Variants in ZNF18 observed in about 807,000 individuals in gnomAD.
ZNF18 encodes the protein heart development-specific gene 1 protein.
ZNF18 carries 42 observed loss-of-function variants against 58.1 expected under a neutral mutation model. The observed-to-expected ratio is 0.72, with a 90% CI of 0.56 to 0.93. The LOEUF is 0.93. Ranked by LOEUF, ZNF18 falls within the 40% of genes least tolerant of loss-of-function variation. The probability of loss-of-function intolerance (pLI) is 0.00; values close to 1 mark genes in which losing one functional copy is unlikely to be tolerated. For synonymous variants in ZNF18, 231 were observed against 239.8 expected (o/e 0.96, Z 0.34); for missense variants, 540 against 644.2 (o/e 0.84, Z 1.75).
the ZNF18 span, chr17:12,020,904 G>GAGCGGCGGCGGCGGCTCCGGGGGCGGC: frequency 1.8e-6 from 2 of 1,139,316 alleles, no homozygotes; most frequent in Non-Finnish European, 1.1e-6. Context: ...CTCCGAGCCC[G>GAGCGGCGGCGGCGGCTCCGGGGGCGGC]AGCGGCGGCG....
chr17:11,991,066 G>A lies in ZNF18; in HGVS notation c.485C>T (p.Pro162Leu), dbSNP rs767281105. ...GEVEPHLEVV[P>L]QELGLENSSS... ...TGAATTCTCAAGTCCCAACTCCTGA[G>A]GCACCACTTCAAGATGGGGCTCCAC... The change falls in exon 3 of 7, where the codon CCT (proline) becomes CTT (leucine). Residue 162 changes from proline (P) to leucine (L), a missense_variant. Pro to Leu is a moderately conservative substitution (Grantham distance 98). Transcript: ENST00000580306. The A allele has an allele frequency of 6.2e-7, 1 of 1,614,104 alleles. No individual in the cohort carries two copies. The highest frequency in any genetic ancestry group is 8.5e-7 in the Non-Finnish European group (1 of 1,180,014).
chr17:11,997,502 G>C (rs1225119360), upstream of ZNF18: 1 of 152,250 alleles, frequency 6.6e-6, no homozygotes, highest in Non-Finnish European at 1.5e-5. Flanking sequence ...GGCGGCAGGC[G>C]AACGACGTGC....
chr17:11,979,205 A>G (rs973115402), intron 6 of ZNF18, among the ~76,000 whole-genome samples: 1 of 152,122 alleles, frequency 6.6e-6, no homozygotes, highest in Non-Finnish European at 1.5e-5. Flanking sequence ...CCCAGAGATA[A>G]CAACTATGAG....
intron 3 of ZNF18, 48 bp downstream of exon 3, chr17:11,990,926 A>G: frequency 6.3e-7 from 1 of 1,574,858 alleles, no homozygotes. Context: ...CCTACTAATC[A>G]CAATCCCAAA....
the ZNF18 span, among the ~76,000 whole-genome samples, chr17:12,016,298 T>C: frequency 3.6e-3 from 550 of 152,238 alleles, 3 homozygotes; most frequent in Non-Finnish European, 5.2e-3. Flanking sequence ...TGTATTTTAC[T>C]TGTTTATTTC....
intron 4 of ZNF18, among the ~76,000 whole-genome samples, chr17:11,986,074 G>A (rs757097580): frequency 9.9e-5 from 15 of 152,176 alleles, no homozygotes; most frequent in Non-Finnish European, 2.1e-4. Flanking sequence ...TGAACCAAGT[G>A]GGCAGTTCTT....
the ZNF18 span, among the ~76,000 whole-genome samples, chr17:12,019,454 C>A: frequency 2.0e-5 from 3 of 151,922 alleles, no homozygotes; most frequent in Non-Finnish European, 2.9e-5. Context: ...AATTAAGATG[C>A]CCTAGGAGCA....
upstream of ZNF18, among the ~76,000 whole-genome samples, chr17:12,001,740 T>C (rs1475916760): frequency 6.6e-6 from 1 of 152,208 alleles, no homozygotes; most frequent in Admixed American, 6.5e-5. Flanking sequence ...ATGAATGTAT[T>C]AACTTGATTT....
At chr17:12,002,998 T>C in the ZNF18 span, among the ~76,000 whole-genome samples, 8 of 152,232 alleles carry the variant, frequency 5.3e-5, no homozygotes, top group African/African-American at 1.2e-4. Context: ...TTGACTTCAA[T>C]AGAGCAAAGA....
rs765073785 is a variant in ZNF18 at position 11,978,742 on chromosome 17, C to G, written c.865G>C (p.Asp289His). ...EKIPRPTCIG[D>H]RQENDKENLN... ...TTCTCCTTGTCATTCTCTTGTCTAT[C>G]TCCTAAAAGAAGAAAGAAGATTTGA... Residue 289 changes from aspartate to histidine, a missense_variant and splice_region_variant, in exon 7 of 7, where the codon GAT becomes CAT. By Grantham distance (81) the Asp-to-His change is moderately conservative. Coordinates refer to ENST00000580306, the MANE Select transcript of ZNF18 (RefSeq NM_001303281.2). The G allele has an allele frequency of 6.3e-7, 1 of 1,579,712 alleles. No individual in the cohort carries two copies. The highest frequency in any genetic ancestry group is 2.2e-5 in the East Asian group (1 of 44,628).
the ZNF18 span, among the ~76,000 whole-genome samples, chr17:12,014,097 T>G: frequency 6.6e-6 from 1 of 152,240 alleles, no homozygotes; most frequent in Non-Finnish European, 1.5e-5. Context: ...CAAAACATAA[T>G]GTTGTTCACT....
the ZNF18 span, among the ~76,000 whole-genome samples, chr17:12,018,534 ACCC>A: frequency 6.6e-6 from 1 of 152,064 alleles, no homozygotes; most frequent in Admixed American, 6.5e-5. Flanking sequence ...TACTTTAAAG[ACCC>A]TATTTCCAAA....
Position 11,992,529 on chromosome 17 carries a change from C to T in ZNF18, c.301G>A (p.Val101Met). ...CCACTTCCTGGACACTGTTTCCGCA[C>T]CCACATCTGGATCTCCCCAGGCAGG... ...TILPGEIQMW[V>M]RKQCPGSGEE... is the part of the protein sequence containing the mutation. The change falls in exon 2 of 7, where the codon GTG (valine) becomes ATG (methionine). Residue 101 changes from valine (V) to methionine (M), a missense_variant. Coordinates refer to ENST00000580306, the MANE Select transcript of ZNF18 (RefSeq NM_001303281.2). 1 of 1,614,230 alleles carries T rather than the reference C, an allele frequency of 6.2e-7. No individual in the cohort carries two copies. Among genetic ancestry groups the T allele is most frequent in the Non-Finnish European group, 8.5e-7 (1 of 1,180,048 alleles).
upstream of ZNF18, among the ~76,000 whole-genome samples, chr17:12,001,729 G>A (rs1461370500): frequency 6.6e-6 from 1 of 152,122 alleles, no homozygotes; most frequent in Non-Finnish European, 1.5e-5. Context: ...TAGGTGAGGT[G>A]ATGAATGTAT....
In ZNF18 at chr17:11,983,491, C is replaced by T. The variant is rs1322019621; in HGVS notation, c.752-84G>A. Reference sequence around the variant, plus strand: ...CTGTGTCTTTCAAAGGAGCACCCTACGCATGAGGGAAAATATGAAGGCTCT... The same window carrying T: ...CTGTGTCTTTCAAAGGAGCACCCTATGCATGAGGGAAAATATGAAGGCTCT... On this transcript the variant is annotated intron_variant, in intron 5 of 6. Transcript: ENST00000580306. 24 of 1,025,500 alleles carry T rather than the reference C, an allele frequency of 2.3e-5. No individual in the cohort carries two copies. In the African/African-American group the frequency reaches 2.7e-4, roughly 12 times the overall value. 63.5% of individuals were successfully genotyped at this position (1,025,500 alleles called of 1,614,324 possible). A position where few individuals can be genotyped will look rare whatever the true frequency, so the allele number is the denominator to read the frequency against.
the ZNF18 span, among the ~76,000 whole-genome samples, chr17:12,007,720 C>T: frequency 6.6e-6 from 1 of 152,186 alleles, no homozygotes; most frequent in Non-Finnish European, 1.5e-5. Flanking sequence ...GAGATTTTCT[C>T]TGCATTTGGT....
intron 1 of ZNF18, chr17:11,997,143 T>G (rs1323166743): frequency 1.3e-5 from 2 of 152,432 alleles, no homozygotes; most frequent in African/African-American, 4.8e-5. Context: ...GAGCCCGTTT[T>G]CGGTCCCAGT....
the ZNF18 span, among the ~76,000 whole-genome samples, chr17:12,018,534 A>G: frequency 0.4 from 60,239 of 152,006 alleles, 12,419 homozygotes; most frequent in East Asian, 0.62. Context: ...TACTTTAAAG[A>G]CCCTATTTCC....
chr17:11,988,724 CTG>C (rs1967909071), intron 4 of ZNF18, among the ~76,000 whole-genome samples: 1 of 152,098 alleles, frequency 6.6e-6, no homozygotes. Context: ...ATGTAATAAA[CTG>C]TGTCCAAATA....
Sources: gnomAD v4.1 joint callset for allele counts (sites outside exome capture counted in the v4.1 genomes callset) on GRCh38, gnomAD v4.1.1 for gene constraint, MANE v1.5 for transcripts, NCBI Gene and HGNC (gene_info 2026-07-23, HGNC 2026-07-21) for gene names.